The following KALRN variants were observed in gnomAD, a reference collection of about 807,000 sequenced individuals.
KALRN encodes the protein kalirin RhoGEF kinase.
KALRN carries 70 observed loss-of-function variants against 353.7 expected under a neutral mutation model. The observed-to-expected ratio is 0.20, with a 90% CI of 0.16 to 0.24. The LOEUF (loss-of-function observed/expected upper bound fraction) is 0.24, where lower values mean the gene tolerates loss of function less well. KALRN is among the 10% of genes least tolerant of loss of function. The probability of loss-of-function intolerance (pLI) is 1.00; values close to 1 mark genes in which losing one functional copy is unlikely to be tolerated. For missense variants in KALRN, 2,791 were observed against 3,756.7 expected (o/e 0.74, Z 6.72); for synonymous variants, 1,391 against 1,434.8 (o/e 0.97, Z 0.69).
intron 34 of KALRN, among the ~76,000 whole-genome samples, chr3:124,623,428 A>AC (rs1554055226): frequency 6.5e-5 from 8 of 122,846 alleles, no homozygotes; most frequent in South Asian, 2.7e-4. Flanking sequence ...ACACACACAC[A>AC]AAAGGGAGTT....
At chr3:124,190,242 C>A (rs2074745634) in intron 1 of KALRN, among the ~76,000 whole-genome samples, 1 of 152,174 alleles carries the variant, frequency 6.6e-6, no homozygotes, top group South Asian at 2.1e-4. Context: ...CTGAAACAAG[C>A]AGGGAGCTTC....
intron 1 of KALRN, among the ~76,000 whole-genome samples, chr3:124,091,235 T>G (rs2061100778): frequency 6.6e-6 from 1 of 152,180 alleles, no homozygotes; most frequent in East Asian, 1.9e-4. Flanking sequence ...GGAGCCCGCT[T>G]GTTGGGGCAG....
At chr3:124,405,638 GTTTTT>G (rs71145451) in intron 13 of KALRN, among the ~76,000 whole-genome samples, 4 of 83,868 alleles carry the variant, frequency 4.8e-5, no homozygotes, top group Non-Finnish European at 6.7e-5. Flanking sequence ...GGACCTCAGG[GTTTTT>G]TTTTTTTTTT....
intron 45 of KALRN, among the ~76,000 whole-genome samples, chr3:124,664,362 T>TGCGCGC (rs199832527): frequency 2.3e-4 from 27 of 119,960 alleles, no homozygotes; most frequent in East Asian, 6.0e-4. Context: ...TGTGTGTGTG[T>TGCGCGC]GTGTGTGTGC....
chr3:124,101,231 G>C (rs770077677), intron 1 of KALRN, among the ~76,000 whole-genome samples: 1 of 152,172 alleles, frequency 6.6e-6, no homozygotes, highest in Non-Finnish European at 1.5e-5. Flanking sequence ...CTTGCTTTGG[G>C]TTTATTGCTC....
chr3:124,663,090 C>T (rs190613856), intron 45 of KALRN, among the ~76,000 whole-genome samples: 6 of 152,270 alleles, frequency 3.9e-5, no homozygotes, highest in Admixed American at 6.5e-5. Context: ...GGATTACAGG[C>T]ATGTGCCACC....
At chr3:124,652,304 T>C (rs1258860936) in intron 38 of KALRN, among the ~76,000 whole-genome samples, 3 of 152,248 alleles carry the variant, frequency 2.0e-5, no homozygotes, top group Non-Finnish European at 4.4e-5. Context: ...AAGTAGCATG[T>C]AAATCTTGAA....
chr3:124,598,779 C>G (rs912102683), intron 34 of KALRN, among the ~76,000 whole-genome samples: 6 of 152,172 alleles, frequency 3.9e-5, no homozygotes, highest in Admixed American at 2.6e-4. Context: ...CAGGCCCAAG[C>G]CATCCTCCTA....
At chr3:124,517,264 C>G (rs1260126152) in intron 33 of KALRN, among the ~76,000 whole-genome samples, 2 of 152,148 alleles carry the variant, frequency 1.3e-5, no homozygotes, top group Non-Finnish European at 2.9e-5. Context: ...CCTAAGTATA[C>G]CTTATATTCC....
rs1287866570 is a variant in KALRN at position 124,456,655 on chromosome 3, G to A, written c.3781G>A (p.Asp1261Asn). The change falls in exon 23 of 60, where the codon GAT becomes AAT. Residue 1261 changes from aspartate (D) to asparagine (N), a missense_variant. Coordinates refer to ENST00000682506, the MANE Select transcript of KALRN (RefSeq NM_001388419.1). ...ELDIIPASLS[D>N]REVKLRDANH... Reference sequence around the variant, plus strand: ...GGATATTATCCCAGCAAGCCTTTCGGATCGGGAGGTCAAGCTGCGGGACGC... The same window carrying A: ...GGATATTATCCCAGCAAGCCTTTCGAATCGGGAGGTCAAGCTGCGGGACGC... The A allele has an allele frequency of 6.2e-7, 1 of 1,613,494 alleles. No homozygotes were observed. Among genetic ancestry groups the A allele is most frequent in the Non-Finnish European group, 8.5e-7 (1 of 1,179,606 alleles).
At chr3:124,445,729 C>T (rs1233242569) in intron 19 of KALRN, among the ~76,000 whole-genome samples, 1 of 152,210 alleles carries the variant, frequency 6.6e-6, no homozygotes, top group African/African-American at 2.4e-5. Context: ...CCTCATTCCA[C>T]TATAAATCTC....
intron 1 of KALRN, among the ~76,000 whole-genome samples, chr3:124,138,022 A>C (rs1231912607): frequency 1.3e-5 from 2 of 152,156 alleles, no homozygotes; most frequent in African/African-American, 2.4e-5. Context: ...AAGGCCCTGG[A>C]CATTCCCAGG....
intron 6 of KALRN, among the ~76,000 whole-genome samples, chr3:124,303,593 C>T (rs1000184908): frequency 2.6e-5 from 4 of 152,170 alleles, no homozygotes; most frequent in African/African-American, 9.7e-5. Flanking sequence ...GCAAACGTAA[C>T]ACAATCTTAT....
intron 9 of KALRN, among the ~76,000 whole-genome samples, chr3:124,343,620 C>G (rs543264031): frequency 3.9e-5 from 6 of 152,326 alleles, no homozygotes; most frequent in African/African-American, 1.4e-4. Flanking sequence ...TACTTATCCC[C>G]TATGCAAGCC....
chr3:124,549,166 CA>C (rs2070110976), intron 33 of KALRN, among the ~76,000 whole-genome samples: 1 of 148,404 alleles, frequency 6.7e-6, no homozygotes. Flanking sequence ...CTGCTGAGTT[CA>C]AAACCCAGAT....
At chr3:124,457,533 C>T (rs1561004275) in intron 23 of KALRN, among the ~76,000 whole-genome samples, 1 of 152,188 alleles carries the variant, frequency 6.6e-6, no homozygotes, top group Non-Finnish European at 1.5e-5. Flanking sequence ...TTTATTATTG[C>T]TAATATCAAT....
intron 34 of KALRN, among the ~76,000 whole-genome samples, chr3:124,578,765 TTA>T (rs1491181499): frequency 9.3e-6 from 1 of 107,980 alleles, no homozygotes; most frequent in Non-Finnish European, 1.8e-5. Context: ...GAAACTCCAT[TTA>T]AAAAAAAAAA....
intron 1 of KALRN, among the ~76,000 whole-genome samples, chr3:124,142,891 T>A (rs1170680583): frequency 6.6e-6 from 1 of 152,128 alleles, no homozygotes; most frequent in Non-Finnish European, 1.5e-5. Context: ...AGTGCTAAAT[T>A]TAAGGTAGTG....
intron 34 of KALRN, among the ~76,000 whole-genome samples, chr3:124,564,204 C>CAAAAAAA (rs58917238): frequency 1.4e-5 from 1 of 73,934 alleles, no homozygotes; most frequent in Non-Finnish European, 2.6e-5. Flanking sequence ...AACTCCGTCT[C>CAAAAAAA]AAAAAAAAAA....
Sources: gnomAD v4.1 joint callset for allele counts (sites outside exome capture counted in the v4.1 genomes callset) on GRCh38, gnomAD v4.1.1 for gene constraint, MANE v1.5 for transcripts, NCBI Gene and HGNC (gene_info 2026-07-23, HGNC 2026-07-21) for gene names.